MTUS2: variants seen among roughly 807,000 people sequenced by gnomAD.
MTUS2 encodes the protein microtubule-associated tumor suppressor candidate 2.
Under a neutral mutation model 114.1 loss-of-function variants are expected in MTUS2, and 40 were observed. That is an observed-to-expected ratio of 0.35 (90% CI 0.27 to 0.46). MTUS2 has a LOEUF of 0.46. MTUS2 is among the 20% of genes least tolerant of loss of function. The pLI, the probability that MTUS2 is intolerant of heterozygous loss-of-function variation, is 1.00. For synonymous variants in MTUS2, 688 were observed against 672.0 expected (o/e 1.02, Z -0.37); for missense variants, 1,679 against 1,705.4 (o/e 0.98, Z 0.27).
At chr13:29,280,342 C>T (rs1259893880) in intron 5 of MTUS2, among the ~76,000 whole-genome samples, 2 of 152,132 alleles carry the variant, frequency 1.3e-5, no homozygotes, top group Non-Finnish European at 2.9e-5. Flanking sequence ...TTTTAAAAAC[C>T]TTGCACAGCA....
At chr13:29,359,918 G>A (rs1870085715) in intron 8 of MTUS2, among the ~76,000 whole-genome samples, 1 of 152,120 alleles carries the variant, frequency 6.6e-6, no homozygotes, top group African/African-American at 2.4e-5. Flanking sequence ...AATGTGCTTG[G>A]CCTGGGACTC....
chr13:29,191,578 GGA>G (rs955708214), intron 5 of MTUS2, among the ~76,000 whole-genome samples: 28 of 152,196 alleles, frequency 1.8e-4, no homozygotes, highest in African/African-American at 6.0e-4. Context: ...GGAACATGGG[GGA>G]CTGGGCTTCT....
At chr13:29,160,110 G>A (rs1893031631) in intron 5 of MTUS2, among the ~76,000 whole-genome samples, 2 of 152,094 alleles carry the variant, frequency 1.3e-5, no homozygotes, top group Non-Finnish European at 2.9e-5. Flanking sequence ...GCCTTCCGTG[G>A]GCACATGATT....
chr13:29,026,094 A>G lies in MTUS2; in HGVS notation c.1396A>G (p.Ser466Gly). 6.2e-7 allele frequency: 1 copy of G among 1,613,982 alleles called. No individual in the cohort carries two copies. Among genetic ancestry groups the G allele is most frequent in the Non-Finnish European group, 8.5e-7 (1 of 1,179,878 alleles). ...GCGGTTGGGCAGTGGGAATAAGGAC[A>G]GTGTTATGGTTTTGGTGTTCAATCC... Reference protein sequence around the residue: ...ERRLGSGNKDSVMVLVFNPSV... With the variant: ...ERRLGSGNKDGVMVLVFNPSV... Residue 466 changes from serine (S) to glycine (G), a missense_variant, in exon 3 of 16, where the codon AGT becomes GGT. By Grantham distance (56) the Ser-to-Gly change is moderately conservative. Coordinates refer to ENST00000612955, the MANE Select transcript of MTUS2 (RefSeq NM_001033602.4).
intron 5 of MTUS2, among the ~76,000 whole-genome samples, chr13:29,189,689 C>T (rs1172136654): frequency 6.6e-6 from 1 of 151,960 alleles, no homozygotes; most frequent in Non-Finnish European, 1.5e-5. Flanking sequence ...ATTTATTGCC[C>T]GTTGAATTAA....
intron 2 of MTUS2, among the ~76,000 whole-genome samples, chr13:28,941,984 A>G (rs937664290): frequency 3.3e-5 from 5 of 152,222 alleles, no homozygotes; most frequent in Admixed American, 2.0e-4. Context: ...ATGAACATCA[A>G]TCTCATCAGA....
chr13:29,420,512 A>G (rs910860009), intron 8 of MTUS2, among the ~76,000 whole-genome samples: 2 of 152,090 alleles, frequency 1.3e-5, no homozygotes, highest in African/African-American at 4.8e-5. Context: ...TCCTGACCTC[A>G]AGTGATCACC....
intron 2 of MTUS2, among the ~76,000 whole-genome samples, chr13:28,842,729 G>A (rs1020207207): frequency 6.6e-6 from 1 of 152,182 alleles, no homozygotes; most frequent in African/African-American, 2.4e-5. Flanking sequence ...TTTGAAAAAG[G>A]GGAGTTAGTG....
intron 5 of MTUS2, among the ~76,000 whole-genome samples, chr13:29,165,138 C>T (rs1893261337): frequency 6.6e-6 from 1 of 152,182 alleles, no homozygotes; most frequent in Non-Finnish European, 1.5e-5. Context: ...TCAGTAATCC[C>T]TCACTCTCTT....
chr13:29,492,790 T>A, intron 12 of MTUS2, 71 bp downstream of exon 12: 1 of 1,198,092 alleles, frequency 8.3e-7, no homozygotes, highest in Non-Finnish European at 1.2e-6. Context: ...CCCACAAACA[T>A]TCATTCAGCA....
intron 2 of MTUS2, among the ~76,000 whole-genome samples, chr13:28,976,203 C>CAAAAAAAAAA (rs71090215): frequency 4.4e-5 from 4 of 90,150 alleles, no homozygotes; most frequent in African/African-American, 8.7e-5. Context: ...GACCTTGTCT[C>CAAAAAAAAAA]AAAAAAAAAA....
intron 7 of MTUS2, among the ~76,000 whole-genome samples, chr13:29,351,669 G>A (rs115802830): frequency 0.02 from 3,077 of 151,790 alleles, 107 homozygotes; most frequent in African/African-American, 0.071. Flanking sequence ...AGTGCATGAT[G>A]TCAGCTCACT....
chr13:28,860,221 A>G (rs1439614573), intron 2 of MTUS2, among the ~76,000 whole-genome samples: 3 of 152,088 alleles, frequency 2.0e-5, no homozygotes, highest in Admixed American at 1.3e-4. Flanking sequence ...CCTGATAACT[A>G]TTTTCATTTT....
At chr13:29,307,716 G>T (rs575958632) in intron 6 of MTUS2, 2 of 1,126,680 alleles carry the variant, frequency 1.8e-6, no homozygotes, top group East Asian at 2.4e-5. Flanking sequence ...TCATTTCCTG[G>T]TATGACAATG....
At chr13:28,878,243 G>A (rs7335529) in intron 2 of MTUS2, among the ~76,000 whole-genome samples, 3 of 147,304 alleles carry the variant, frequency 2.0e-5, no homozygotes, top group South Asian at 2.1e-4. Context: ...GTATATATAT[G>A]TATATATGTG....
chr13:28,846,247 G>A (rs1875878620), intron 2 of MTUS2, among the ~76,000 whole-genome samples: 2 of 151,978 alleles, frequency 1.3e-5, no homozygotes, highest in African/African-American at 4.8e-5. Context: ...GAGAGACCAC[G>A]GGGGAAATCT....
At chr13:29,397,987 A>T (rs544296613) in intron 8 of MTUS2, among the ~76,000 whole-genome samples, 6 of 152,354 alleles carry the variant, frequency 3.9e-5, no homozygotes, top group Admixed American at 1.3e-4. Context: ...GTTTTTCCAA[A>T]AAACAGAGAA....
chr13:29,089,851 TG>T (rs1219013944), intron 4 of MTUS2, among the ~76,000 whole-genome samples: 1 of 152,232 alleles, frequency 6.6e-6, no homozygotes, highest in Non-Finnish European at 1.5e-5. Flanking sequence ...ATTGTTTTAC[TG>T]GTTCTTTGAA....
intron 5 of MTUS2, among the ~76,000 whole-genome samples, chr13:29,117,672 G>C (rs1891145441): frequency 6.6e-6 from 1 of 152,198 alleles, no homozygotes; most frequent in African/African-American, 2.4e-5. Flanking sequence ...GTGACAGAAA[G>C]CTGAGGGGTG....
Sources: gnomAD v4.1 joint callset for allele counts (sites outside exome capture counted in the v4.1 genomes callset) on GRCh38, gnomAD v4.1.1 for gene constraint, MANE v1.5 for transcripts, NCBI Gene and HGNC (gene_info 2026-07-23, HGNC 2026-07-21) for gene names.